Variants in PADI6 observed in about 807,000 individuals in gnomAD.
PADI6 encodes inactive protein-arginine deiminase type-6.
A neutral mutation model predicts 78.2 loss-of-function variants in PADI6; 66 were observed. The observed-to-expected ratio is 0.84, with a 90% confidence interval of 0.69 to 1.04. The LOEUF (loss-of-function observed/expected upper bound fraction) is 1.04, where lower values mean the gene tolerates loss of function less well. PADI6 is among the 50% of genes least tolerant of loss of function. PADI6 has a pLI of 0.00. For missense variants in PADI6, 854 were observed against 866.1 expected, an observed-to-expected ratio of 0.99 and a Z score of 0.18; for synonymous variants, 397 against 346.9, an observed-to-expected ratio of 1.14 and a Z score of -1.60.
chr1:17,390,602 CAAAA>C (rs11410245), intron 8 of PADI6, among the ~76,000 whole-genome samples: 4 of 135,038 alleles, frequency 3.0e-5, no homozygotes, highest in Admixed American at 7.5e-5. Context: ...GATTCCATCT[CAAAA>C]AAAAAAAAAG....
Position 17,381,028 on chromosome 1 carries a change from G to T in PADI6, c.436-19G>T. The T allele has an allele frequency of 6.4e-7, 1 of 1,569,242 alleles. No homozygotes were observed. Among genetic ancestry groups the T allele is most frequent in the Non-Finnish European group, 8.7e-7 (1 of 1,154,746 alleles). On this transcript the variant is annotated intron_variant, in intron 4 of 15. Transcript: ENST00000619609. ...TTATTTGGCTCCTTCCTGAGCCAAT[G>T]TTCCCATCTCATTTGCAGAAAAAAT... is the stretch of plus-strand genomic sequence containing the variant.
chr1:17,385,968 C>T (rs1444505620), intron 6 of PADI6, among the ~76,000 whole-genome samples: 1 of 152,172 alleles, frequency 6.6e-6, no homozygotes, highest in Non-Finnish European at 1.5e-5. Context: ...AACCATGTTA[C>T]CTGCTCTCAG....
intron 15 of PADI6, 28 bp downstream of exon 15, chr1:17,398,875 G>A (rs752321854): frequency 1.1e-5 from 17 of 1,608,024 alleles, no homozygotes; most frequent in South Asian, 5.5e-5. Flanking sequence ...ATCCCTGGGT[G>A]GGGGAGGGCC....
At position 17,395,575 on chromosome 1, in the gene PADI6, C is replaced by A; in HGVS notation, c.1530C>A (p.Cys510Ter). Residue 510 changes from cysteine (C) to a stop codon, truncating the protein, a stop_gained, in exon 13 of 16, where the codon TGC becomes TGA. Coordinates refer to ENST00000619609, the MANE Select transcript of PADI6 (RefSeq NM_207421.4). LOFTEE classifies it high-confidence loss of function. ...FLLLLASPSA[C>*]YKLFREKQKE... is the part of the protein sequence containing the mutation. ...TGCTCCTGGCCAGCCCCAGTGCCTG[C>A]TATAAACTGTTCCGAGAGAAACAGA... 6.4e-7 allele frequency: 1 copy of A among 1,574,358 alleles called. No individual in the cohort carries two copies. Among genetic ancestry groups the A allele is most frequent in the Non-Finnish European group, 8.6e-7 (1 of 1,159,024 alleles).
chr1:17,389,062 A>G (rs2075156266), intron 8 of PADI6, among the ~76,000 whole-genome samples, 182 bp downstream of exon 8: 1 of 152,232 alleles, frequency 6.6e-6, no homozygotes, highest in South Asian at 2.1e-4. Flanking sequence ...ATATTCCCAA[A>G]GATGGGCATG....
Position 17,375,464 on chromosome 1 carries a change from C to G in PADI6, c.332C>G (p.Pro111Arg). 1 of 1,610,958 alleles carries G rather than the reference C, an allele frequency of 6.2e-7. No homozygotes were observed. The highest frequency in any genetic ancestry group is 8.5e-7 in the Non-Finnish European group (1 of 1,178,700). ...TACTATGGGCCCAACGAGGATGCCC[C>G]CGTGGGCACAGCTGTGCTGTACCTC... is the stretch of plus-strand genomic sequence containing the variant. ...VTYYGPNEDA[P>R]VGTAVLYLTG... Residue 111 changes from proline to arginine, a missense_variant, in exon 3 of 16, where the codon CCC becomes CGC. Transcript: ENST00000619609.
rs1217750980 is a variant in PADI6 at position 17,401,569 on chromosome 1, C to A, written c.*131C>A. 7.1e-6 allele frequency: 6 copies of A among 847,830 alleles called. No individual in the cohort carries two copies. In the African/African-American group the frequency reaches 1.0e-4, roughly 15 times the overall value. The allele number at this position is 847,830 out of a possible 1,614,324, so 52.5% of individuals were successfully genotyped here. ...ACAGAACCCTTTCTTCCCTGTCTGC[C>A]CCGACCGACCCTCGGACCCAGTAGG... On this transcript the variant is annotated 3_prime_UTR_variant, in exon 16 of 16. Transcript: ENST00000619609.
Position 17,375,412 on chromosome 1 carries a change from A to T in PADI6, c.295-15A>T, listed in dbSNP as rs766838007. 12 of 1,607,968 alleles carry T rather than the reference A, an allele frequency of 7.5e-6. No individual in the cohort carries two copies. The South Asian group carries it at 1.1e-4, about 15-fold the overall frequency. On this transcript the variant is annotated splice_polypyrimidine_tract_variant and intron_variant, in intron 2 of 15. Coordinates refer to ENST00000619609, the MANE Select transcript of PADI6 (RefSeq NM_207421.4). ...GTCCAACACTGCCTATGGTTTCGGG[A>T]TGCTGTCTCCACAGGTCTCGGTCAC...
At chr1:17,374,018 AACC>A (rs1381605415) in intron 2 of PADI6, among the ~76,000 whole-genome samples, 1 of 151,980 alleles carries the variant, frequency 6.6e-6, no homozygotes, top group African/African-American at 2.4e-5. Context: ...TGCAGGTGAG[AACC>A]ACTGGGGAGC....
chr1:17,391,412 G>T (rs920966063), intron 8 of PADI6, among the ~76,000 whole-genome samples: 2 of 152,122 alleles, frequency 1.3e-5, no homozygotes, highest in African/African-American at 2.4e-5. Flanking sequence ...TAGAGATGGG[G>T]TTTCACCATG....
chr1:17,396,358 C>T (rs112903552), intron 13 of PADI6, among the ~76,000 whole-genome samples: 1,558 of 152,260 alleles, frequency 0.01, 37 homozygotes, highest in African/African-American at 0.035. Flanking sequence ...TGCACTCCAG[C>T]CTGGGCCACA....
At position 17,372,980 on chromosome 1, in the gene PADI6, C is replaced by T. The variant is rs2074976948; in HGVS notation, c.117-76C>T. ...GAGAATGAGGATTCGGGAGCCGTCC[C>T]CTCCCCCATGCCAGTCATCTCCTAG... On this transcript the variant is annotated intron_variant, in intron 1 of 15. Coordinates refer to ENST00000619609, the MANE Select transcript of PADI6 (RefSeq NM_207421.4). 2.7e-6 allele frequency: 4 copies of T among 1,468,988 alleles called. No individual in the cohort carries two copies. The East Asian group carries it at 7.1e-5, about 26-fold the overall frequency. 91.0% of individuals were successfully genotyped at this position (1,468,988 alleles called of 1,614,324 possible).
At position 17,397,137 on chromosome 1, in the gene PADI6, T is replaced by C; in HGVS notation, c.1685T>C (p.Val562Ala). The change falls in exon 14 of 16, where the codon GTG (valine) becomes GCG (alanine). Residue 562 changes from valine (V) to alanine (A), a missense_variant. Transcript: ENST00000619609. ...AGCCTGAAGAAGCAGAATGAATACG[T>C]GGAGGTAGGACCAGTGTGAAGGGGG... is the stretch of plus-strand genomic sequence containing the variant. ...DESLKKQNEY[V>A]EKCIHLNRDI... 2.5e-6 allele frequency: 4 copies of C among 1,613,590 alleles called. No homozygotes were observed. The highest frequency in any genetic ancestry group is 3.4e-6 in the Non-Finnish European group (4 of 1,179,736).
rs2075238345 is a variant in PADI6 at position 17,395,563 on chromosome 1, C to T, written c.1518C>T (p.Ser506=). Residue 506 remains serine, a synonymous_variant, in exon 13 of 16, where the codon AGC becomes AGT. Transcript: ENST00000619609. Reference sequence around the variant, plus strand: ...AGGGCTTCCTGCTGCTCCTGGCCAGCCCCAGTGCCTGCTATAAACTGTTCC... The same window carrying T: ...AGGGCTTCCTGCTGCTCCTGGCCAGTCCCAGTGCCTGCTATAAACTGTTCC... ...GKKGFLLLLA[S]PSACYKLFRE... is the part of the protein sequence containing the mutation. 2 of 1,560,474 alleles carry T rather than the reference C, an allele frequency of 1.3e-6. No homozygotes were observed. Among genetic ancestry groups the T allele is most frequent in the Non-Finnish European group, 1.7e-6 (2 of 1,152,004 alleles).
chr1:17,388,327 G>GT, intron 6 of PADI6, 54 bp from the exon 7 acceptor site: 1 of 1,486,982 alleles, frequency 6.7e-7, no homozygotes, highest in Non-Finnish European at 9.1e-7. Flanking sequence ...ACCATCAAAT[G>GT]TGACCGGCAC....
At chr1:17,393,847 C>A in intron 9 of PADI6, 128 bp from the exon 10 acceptor site, 2 of 760,998 alleles carry the variant, frequency 2.6e-6, no homozygotes, top group Non-Finnish European at 4.5e-6. Context: ...GGGGTGATAT[C>A]TGAGCTGGGT....
chr1:17,397,236 G>A (rs1048950601), intron 14 of PADI6, 95 bp downstream of exon 14: 40 of 1,396,242 alleles, frequency 2.9e-5, no homozygotes, highest in South Asian at 1.5e-4. Flanking sequence ...GGGGTGAAGT[G>A]TTGGGCGGCG....
chr1:17,386,494 C>G (rs558713434), intron 6 of PADI6, among the ~76,000 whole-genome samples: 243 of 152,304 alleles, frequency 1.6e-3, no homozygotes, highest in African/African-American at 5.6e-3. Context: ...GTGTGTGGCA[C>G]CTCTTGGGCT....
intron 3 of PADI6, among the ~76,000 whole-genome samples, chr1:17,379,401 A>G (rs1570126738): frequency 6.9e-6 from 1 of 144,028 alleles, no homozygotes; most frequent in African/African-American, 3.0e-5. Context: ...GGCGTGAGCC[A>G]TCGCGCCCGG....
Sources: allele counts gnomAD v4.1 joint callset (sites outside exome capture counted in the v4.1 genomes callset), GRCh38; gene constraint gnomAD v4.1.1; transcripts MANE v1.5; gene names NCBI Gene and HGNC (gene_info 2026-07-23, HGNC 2026-07-21).